The following MYO5A variants were observed in gnomAD, a reference collection of about 807,000 sequenced individuals.
MYO5A encodes the protein unconventional myosin-Va.
A neutral mutation model predicts 249.7 loss-of-function variants in MYO5A; 98 were observed. The ratio of observed to expected loss-of-function variants is 0.39; its 90% CI spans 0.33 to 0.46. MYO5A has a LOEUF of 0.46. MYO5A is among the 20% of genes least tolerant of loss of function. MYO5A has a pLI of 0.98. For synonymous variants in MYO5A, 778 were observed against 810.6 expected (o/e 0.96, Z 0.68); for missense variants, 1,696 against 2,308.8 (o/e 0.73, Z 5.44).
Position 52,348,817 on chromosome 15 carries a change from C to T in MYO5A, c.3858+1G>A, listed in dbSNP as rs1252777042. 6.4e-7 allele frequency: 1 copy of T among 1,567,120 alleles called. No homozygotes were observed. Among genetic ancestry groups the T allele is most frequent in the African/African-American group, 1.4e-5 (1 of 72,802 alleles). On this transcript the variant is annotated splice_donor_variant, in intron 29 of 41. Coordinates refer to ENST00000399233, the MANE Select transcript of MYO5A (RefSeq NM_001382347.1). LOFTEE classifies it high-confidence loss of function. Reference sequence around the variant, plus strand: ...CTAAAAAAAAAAAAAGGTATAATTACCTTGTCATCCTGAGAATCACAAGTC... The same window carrying T: ...CTAAAAAAAAAAAAAGGTATAATTATCTTGTCATCCTGAGAATCACAAGTC...
intron 1 of MYO5A, among the ~76,000 whole-genome samples, chr15:52,471,235 C>T (rs1248759496): frequency 6.6e-6 from 1 of 152,054 alleles, no homozygotes; most frequent in Admixed American, 6.5e-5. Context: ...AATCCTGGTA[C>T]TCAATTCTCT....
rs1344422620 is a variant in MYO5A at position 52,504,058 on chromosome 15, T to TCC, written c.27+24721_27+24722insGG. The stretch of plus-strand genomic sequence containing the variant: ...CTGTTGCTGCTGTTTCTCCTTCTTT[T>TCC]TTTTTTTTTTTTTTTGCCTTTTTAA... On this transcript the variant is annotated intron_variant, in intron 1 of 41. Coordinates refer to ENST00000399233, the MANE Select transcript of MYO5A (RefSeq NM_001382347.1). 1.8e-3 allele frequency among the ~76,000 whole-genome samples: 272 copies of TCC among 150,646 alleles called. 1 individual carries two copies. The highest frequency in any genetic ancestry group is 4.8e-3 in the African/African-American group (198 of 41,244).
At chr15:52,373,518 AC>A (rs112094753) in intron 20 of MYO5A, among the ~76,000 whole-genome samples, 1 of 151,626 alleles carries the variant, frequency 6.6e-6, no homozygotes, top group African/African-American at 2.4e-5. Flanking sequence ...TCTCTTTAAG[AC>A]CCCCCCACTC....
intron 1 of MYO5A, among the ~76,000 whole-genome samples, chr15:52,450,448 C>G (rs999107154): frequency 6.6e-6 from 1 of 151,948 alleles, no homozygotes; most frequent in African/African-American, 2.4e-5. Context: ...GGGCAGATCC[C>G]TTGAGGTCAG....
chr15:52,410,588 ATT>A (rs5812605), intron 5 of MYO5A, 112 bp from the exon 6 acceptor site: 4,871 of 673,438 alleles, frequency 7.2e-3, no homozygotes, highest in Non-Finnish European at 8.7e-3. Context: ...CTTAAAATTG[ATT>A]TTTTTTTTTT....
At chr15:52,372,734 A>G (rs1162660313) in intron 20 of MYO5A, among the ~76,000 whole-genome samples, 1 of 152,214 alleles carries the variant, frequency 6.6e-6, no homozygotes, top group African/African-American at 2.4e-5. Context: ...TCTTATTAGT[A>G]TATGATTTCT....
At chr15:52,329,701 T>C (rs952759581) in intron 35 of MYO5A, among the ~76,000 whole-genome samples, 1 of 152,162 alleles carries the variant, frequency 6.6e-6, no homozygotes, top group African/African-American at 2.4e-5. Flanking sequence ...CCTAGAGCAG[T>C]TGTGCTCAAC....
intron 1 of MYO5A, among the ~76,000 whole-genome samples, chr15:52,493,229 T>C (rs973626528): frequency 6.6e-6 from 1 of 152,226 alleles, no homozygotes; most frequent in Admixed American, 6.5e-5. Context: ...TAGCAAATGA[T>C]CTTAAATAAT....
intron 36 of MYO5A, among the ~76,000 whole-genome samples, chr15:52,325,595 T>A (rs965252597): frequency 6.6e-6 from 1 of 151,628 alleles, no homozygotes; most frequent in Non-Finnish European, 1.5e-5. Flanking sequence ...AGAGACAGGG[T>A]CTCGCAATGT....
At chr15:52,468,184 T>C (rs139401599) in intron 1 of MYO5A, among the ~76,000 whole-genome samples, 2 of 152,158 alleles carry the variant, frequency 1.3e-5, no homozygotes, top group Non-Finnish European at 2.9e-5. Flanking sequence ...ACCTCATCTC[T>C]AGACAAAATT....
At chr15:52,492,751 T>C (rs1474748040) in intron 1 of MYO5A, among the ~76,000 whole-genome samples, 1 of 152,222 alleles carries the variant, frequency 6.6e-6, no homozygotes, top group Non-Finnish European at 1.5e-5. Context: ...TGTCTGGGAC[T>C]TGCTTCAAAA....
chr15:52,362,767 G>A (rs553142881), intron 24 of MYO5A, among the ~76,000 whole-genome samples: 5 of 152,308 alleles, frequency 3.3e-5, no homozygotes, highest in African/African-American at 7.2e-5. Flanking sequence ...AGGAGGAGCC[G>A]TGTCAAGCTG....
intron 1 of MYO5A, among the ~76,000 whole-genome samples, chr15:52,466,407 T>C (rs1386645536): frequency 6.6e-6 from 1 of 151,836 alleles, no homozygotes; most frequent in African/African-American, 2.4e-5. Flanking sequence ...GCCAGAGAGG[T>C]GTAGTATTGA....
chr15:52,475,424 T>C (rs2076571050), intron 1 of MYO5A, among the ~76,000 whole-genome samples: 1 of 152,244 alleles, frequency 6.6e-6, no homozygotes, highest in African/African-American at 2.4e-5. Context: ...TCTTGCCTTC[T>C]GCTAGCTTTT....
At chr15:52,458,503 C>T (rs548958466) in intron 1 of MYO5A, among the ~76,000 whole-genome samples, 1 of 151,980 alleles carries the variant, frequency 6.6e-6, no homozygotes, top group East Asian at 1.9e-4. Context: ...ACCTGTAGTC[C>T]CCGCCACTAG....
intron 1 of MYO5A, among the ~76,000 whole-genome samples, chr15:52,524,877 A>T (rs2077702447): frequency 8.8e-6 from 1 of 114,236 alleles, no homozygotes; most frequent in South Asian, 2.7e-4. Flanking sequence ...CAAAAAAAAT[A>T]AAAAATTAAA....
At chr15:52,360,105 T>C (rs770284402) in intron 24 of MYO5A, 24 bp from the exon 25 acceptor site, 1 of 1,483,578 alleles carries the variant, frequency 6.7e-7, no homozygotes, top group Non-Finnish European at 9.4e-7. Flanking sequence ...AACCCAGGTA[T>C]AATTAATGCA....
chr15:52,428,704 T>A, intron 2 of MYO5A, 135 bp from the exon 3 acceptor site: 1 of 912,816 alleles, frequency 1.1e-6, no homozygotes, highest in Non-Finnish European at 1.8e-6. Context: ...CACCTTCCAA[T>A]ATCACAGAAA....
chr15:52,351,141 A>G (rs1438533666), intron 28 of MYO5A, 113 bp downstream of exon 28: 20 of 842,078 alleles, frequency 2.4e-5, no homozygotes, highest in East Asian at 7.9e-5. Context: ...TGAATCCTCA[A>G]TTAGATTAAA....
Sources: allele counts gnomAD v4.1 joint callset (sites outside exome capture counted in the v4.1 genomes callset), GRCh38; gene constraint gnomAD v4.1.1; transcripts MANE v1.5; gene names NCBI Gene and HGNC (gene_info 2026-07-23, HGNC 2026-07-21).